BFSP1: variants seen among roughly 807,000 people sequenced by gnomAD.
BFSP1 encodes the protein beaded filament structural protein 1.
In BFSP1, 38 loss-of-function variants were observed where a neutral mutation model predicts 43.9. The ratio of observed to expected loss-of-function variants is 0.87; its 90% CI spans 0.67 to 1.14. The LOEUF (loss-of-function observed/expected upper bound fraction) is 1.14, where lower values mean the gene tolerates loss of function less well. Among genes scored for constraint, BFSP1 ranks in the 50% most tolerant of loss-of-function variants. The pLI is 0.00. For missense variants in BFSP1, 850 were observed against 875.1 expected (o/e 0.97, Z 0.36); for synonymous variants, 352 against 354.8 (o/e 0.99, Z 0.09).
At chr20:17,529,696 C>T (rs1038241754) in intron 1 of BFSP1, among the ~76,000 whole-genome samples, 4 of 152,206 alleles carry the variant, frequency 2.6e-5, no homozygotes, top group Non-Finnish European at 5.9e-5. Flanking sequence ...TTATTTGGTT[C>T]CAGGCTTATT....
intron 1 of BFSP1, among the ~76,000 whole-genome samples, chr20:17,553,808 C>CACACATATATATAT (rs2034936256): frequency 2.1e-5 from 2 of 97,064 alleles, no homozygotes; most frequent in African/African-American, 8.9e-5. Context: ...CACACACACA[C>CACACATATATATAT]ACACACACAC....
At chr20:17,520,223 G>A (rs943740244) in intron 2 of BFSP1, among the ~76,000 whole-genome samples, 6 of 79,896 alleles carry the variant, frequency 7.5e-5, no homozygotes, top group South Asian at 9.9e-4. Flanking sequence ...CCCCCACCCC[G>A]CCCACCTTTC....
At chr20:17,516,453 T>A (rs2123498015) in intron 2 of BFSP1, among the ~76,000 whole-genome samples, 1 of 152,338 alleles carries the variant, frequency 6.6e-6, no homozygotes, top group East Asian at 1.9e-4. Flanking sequence ...ATCCTGAAAT[T>A]CTGACTCTAT....
chr20:17,542,267 A>G (rs1351815113), intron 1 of BFSP1, among the ~76,000 whole-genome samples: 1 of 151,992 alleles, frequency 6.6e-6, no homozygotes, highest in African/African-American at 2.4e-5. Flanking sequence ...AATGATAAAC[A>G]CTACAAAGGA....
chr20:17,544,767 T>C (rs758764567), intron 1 of BFSP1, among the ~76,000 whole-genome samples: 5 of 152,226 alleles, frequency 3.3e-5, no homozygotes, highest in Non-Finnish European at 5.9e-5. Context: ...TGCTGTGGAA[T>C]AGCCAAGACA....
At chr20:17,542,359 A>T (rs1203097321) in intron 1 of BFSP1, among the ~76,000 whole-genome samples, 2 of 151,020 alleles carry the variant, frequency 1.3e-5, no homozygotes, top group Non-Finnish European at 2.9e-5. Context: ...GGAGGCCGAG[A>T]TAGGAGGACT....
intron 1 of BFSP1, among the ~76,000 whole-genome samples, chr20:17,556,820 C>T (rs1333867568): frequency 6.6e-6 from 1 of 151,922 alleles, no homozygotes; most frequent in East Asian, 1.9e-4. Context: ...TAATAGGGAA[C>T]ATTTATTTTC....
chr20:17,548,997 G>T (rs1463163336), intron 1 of BFSP1, among the ~76,000 whole-genome samples: 1 of 152,116 alleles, frequency 6.6e-6, no homozygotes, highest in African/African-American at 2.4e-5. Flanking sequence ...TTTTTGTAGA[G>T]ATAGAGTCTC....
In BFSP1 at chr20:17,511,914, G is replaced by A. The variant is rs1341739517; in HGVS notation, c.627+62C>T. 7.6e-6 allele frequency: 11 copies of A among 1,452,092 alleles called. No homozygotes were observed. The East Asian group carries it at 2.5e-4, about 33-fold the overall frequency. The allele number at this position is 1,452,092 out of a possible 1,614,324, so 90.0% of individuals were successfully genotyped here. On this transcript the variant is annotated intron_variant, in intron 4 of 7. Transcript: ENST00000377873. ...CAGTCCAACCTGTGAGCCCTTCCCT[G>A]GGAGTCTCCAGGTACAGCTTCCCTC...
chr20:17,566,396 T>C (rs2035119854), intron 1 of BFSP1, among the ~76,000 whole-genome samples: 1 of 152,224 alleles, frequency 6.6e-6, no homozygotes, highest in Non-Finnish European at 1.5e-5. Flanking sequence ...CAAAATGTTT[T>C]CTAAACGAAA....
chr20:17,504,911 T>TTTTTG (rs1300917999), intron 5 of BFSP1, among the ~76,000 whole-genome samples: 1 of 35,126 alleles, frequency 2.8e-5, no homozygotes, highest in Non-Finnish European at 7.2e-5. Flanking sequence ...TAAGGTTTTT[T>TTTTTG]TTTTGTTTTT....
Position 17,494,373 on chromosome 20 carries a change from C to T in BFSP1, c.1699G>A (p.Glu567Lys), listed in dbSNP as rs760865708. The T allele has an allele frequency of 3.0e-5, 48 of 1,614,220 alleles. No individual in the cohort carries two copies. The Middle Eastern group carries it at 4.9e-4, about 17-fold the overall frequency. The change falls in exon 8 of 8, where the codon GAA becomes AAA. Residue 567 changes from glutamate to lysine, a missense_variant. Physicochemically the swap from Glu to Lys is moderately conservative, Grantham distance 56. Coordinates refer to ENST00000377873, the MANE Select transcript of BFSP1 (RefSeq NM_001195.5). ...EEKREGEERDEESRRPCAMVT... is the reference protein window; with the variant it reads ...EEKREGEERDKESRRPCAMVT... ...ATGGCACAGGGTCTCCTGGACTCTT[C>T]GTCCCGCTCCTCACCCTCACGTTTC...
upstream of BFSP1, among the ~76,000 whole-genome samples, chr20:17,534,502 T>C (rs1053882378): frequency 3.7e-4 from 56 of 152,214 alleles, no homozygotes; most frequent in Admixed American, 2.8e-3. Context: ...AAGGGTATCT[T>C]GGTTTGTCTG....
upstream of BFSP1, among the ~76,000 whole-genome samples, chr20:17,559,715 C>T (rs2035049875): frequency 6.6e-6 from 1 of 152,134 alleles, no homozygotes; most frequent in African/African-American, 2.4e-5. Flanking sequence ...GTGGACTGTG[C>T]ATGCAATGAA....
At chr20:17,551,104 T>A (rs2034889429) in intron 1 of BFSP1, among the ~76,000 whole-genome samples, 1 of 152,204 alleles carries the variant, frequency 6.6e-6, no homozygotes, top group African/African-American at 2.4e-5. Flanking sequence ...GTATGTGGCT[T>A]AGTGCCTGTA....
At chr20:17,517,397 C>A in intron 2 of BFSP1, 1 of 755,412 alleles carries the variant, frequency 1.3e-6, no homozygotes, top group Non-Finnish European at 2.3e-6. Flanking sequence ...TTTCCTCCTG[C>A]CTCAGCCTCC....
intron 1 of BFSP1, among the ~76,000 whole-genome samples, chr20:17,548,179 G>GAAAAAAAAAAAAA (rs1409823719): frequency 7.1e-5 from 1 of 14,080 alleles, no homozygotes; most frequent in Non-Finnish European, 1.3e-4. Flanking sequence ...AGAAAATAAT[G>GAAAAAAAAAAAAA]CAAAAAAAAA....
rs140981377 is a variant in BFSP1, at chr20:17,498,837, G to A, written c.939C>T (p.Ile313=). The change falls in exon 6 of 8, where the codon ATC becomes ATT. Residue 313 remains isoleucine, a synonymous_variant. Transcript: ENST00000377873. ...KNELDRYHRI[I]EIEGNRLTSA... is the part of the protein sequence containing the mutation. ...ACGCTCACCTGTTGCCTTCAATCTC[G>A]ATGATACGATGATACCGGTCCAGCT... 1.4e-4 allele frequency: 221 copies of A among 1,612,970 alleles called. No homozygotes were observed. The African/African-American group carries it at 2.5e-3, about 18-fold the overall frequency.
chr20:17,515,972 C>T (rs561853935), intron 2 of BFSP1, among the ~76,000 whole-genome samples: 98 of 152,316 alleles, frequency 6.4e-4, no homozygotes, highest in Non-Finnish European at 1.1e-3. Context: ...GATGTAGGGA[C>T]ACTCCCCACC....
Sources: gnomAD v4.1 joint callset for allele counts (sites outside exome capture counted in the v4.1 genomes callset) on GRCh38, gnomAD v4.1.1 for gene constraint, MANE v1.5 for transcripts, NCBI Gene and HGNC (gene_info 2026-07-23, HGNC 2026-07-21) for gene names.